The following PTPRF variants were observed in gnomAD, a reference collection of about 807,000 sequenced individuals.
PTPRF encodes protein tyrosine phosphatase receptor type F, also known as receptor-type tyrosine-protein phosphatase F.
In PTPRF, 59 loss-of-function variants were observed where a neutral mutation model predicts 201.8. That is an observed-to-expected ratio of 0.29 (90% CI 0.24 to 0.36). The LOEUF is 0.36. PTPRF is among the 10% of genes least tolerant of loss of function. The pLI is 1.00. For missense variants in PTPRF, 2,132 were observed against 2,690.5 expected (o/e 0.79, Z 4.59); for synonymous variants, 1,088 against 1,089.7 (o/e 1.00, Z 0.03).
chr1:43,606,196 C>T (rs1260853128), intron 19 of PTPRF, 44 bp from the exon 20 acceptor site: 12 of 1,571,974 alleles, frequency 7.6e-6, no homozygotes, highest in Non-Finnish European at 1.0e-5. Flanking sequence ...GGCTGGCCGG[C>T]ATGCTCCAAG....
intron 7 of PTPRF, among the ~76,000 whole-genome samples, chr1:43,582,002 G>A (rs925070153): frequency 6.6e-6 from 1 of 152,176 alleles, no homozygotes; most frequent in African/African-American, 2.4e-5. Flanking sequence ...TCACCTGGGG[G>A]AAATTACTGA....
At position 43,622,140 on chromosome 1, in the gene PTPRF, G is replaced by A; in HGVS notation, c.*137G>A. ...CAGAGCACAGCCCACGGGGATCACA[G>A]CGTTTCAGGAACGTTGCCACACCAA... On this transcript the variant is annotated 3_prime_UTR_variant, in exon 34 of 34. Coordinates refer to ENST00000359947, the MANE Select transcript of PTPRF (RefSeq NM_002840.5). The A allele has an allele frequency of 1.1e-6, 1 of 911,542 alleles. No homozygotes were observed. The highest frequency in any genetic ancestry group is 2.1e-5 in the Admixed American group (1 of 47,192). 56.5% of individuals were successfully genotyped at this position (911,542 alleles called of 1,614,324 possible).
In PTPRF at chr1:43,542,733, G is replaced by T. The variant is rs1273884564; in HGVS notation, c.-45-2298G>T. Among the ~76,000 whole-genome samples, 1 of 152,086 alleles carries T rather than the reference G, an allele frequency of 6.6e-6. No individual in the cohort carries two copies. The highest frequency in any genetic ancestry group is 1.9e-4 in the East Asian group (1 of 5,194). The stretch of plus-strand genomic sequence containing the variant: ...ACTCCATGATGTCTGTACCCTCTGT[G>T]TCCGCCCACGTGATGTCTAGACCAC... On this transcript the variant is annotated intron_variant, in intron 2 of 33. Transcript: ENST00000359947. The surrounding 1 kb of genome is among the most constrained non-coding windows in gnomAD (Gnocchi z 5.2).
At chr1:43,587,161 C>G (rs1649367623) in intron 7 of PTPRF, among the ~76,000 whole-genome samples, 1 of 152,080 alleles carries the variant, frequency 6.6e-6, no homozygotes, top group Non-Finnish European at 1.5e-5. Flanking sequence ...GGTAGGGTCT[C>G]TTGGGCTGGG....
chr1:43,524,050 CAAAAAAAAAAAA>C (rs57088994), upstream of PTPRF, among the ~76,000 whole-genome samples: 38 of 80,660 alleles, frequency 4.7e-4, no homozygotes, highest in South Asian at 0.016. Context: ...GAGACTCTGT[CAAAAAAAAAAAA>C]AAAAAAAAAA....
intron 13 of PTPRF, among the ~76,000 whole-genome samples, chr1:43,599,618 C>A (rs964785682): frequency 6.6e-6 from 1 of 152,224 alleles, no homozygotes; most frequent in African/African-American, 2.4e-5. Flanking sequence ...CAGCCTCACA[C>A]CTCCCTCTGT....
intron 22 of PTPRF, among the ~76,000 whole-genome samples, chr1:43,612,380 A>G (rs1367214767): frequency 6.6e-6 from 1 of 152,178 alleles, no homozygotes; most frequent in Non-Finnish European, 1.5e-5. Context: ...AGGGTGTGGG[A>G]TCTGAGAAGG....
chr1:43,603,366 G>A lies in PTPRF; in HGVS notation c.2341-50G>A. On this transcript the variant is annotated intron_variant, in intron 14 of 33. Coordinates refer to ENST00000359947, the MANE Select transcript of PTPRF (RefSeq NM_002840.5). The surrounding 1 kb of genome is among the most constrained non-coding windows in gnomAD (Gnocchi z 5.8). ...GTCCTGAGGTCCCTGACAAGGTCTG[G>A]CCTCTCCCTGCATTCTTGTGATGGG... 1 of 1,538,316 alleles carries A rather than the reference G, an allele frequency of 6.5e-7. No homozygotes were observed.
chr1:43,545,888 G>A (rs1386575795), intron 3 of PTPRF, among the ~76,000 whole-genome samples: 1 of 152,160 alleles, frequency 6.6e-6, no homozygotes, highest in Non-Finnish European at 1.5e-5. Context: ...CCTTCCCCCT[G>A]CCTGGCACTA....
intron 13 of PTPRF, among the ~76,000 whole-genome samples, chr1:43,600,815 C>A (rs1400887264): frequency 6.6e-6 from 1 of 152,108 alleles, no homozygotes; most frequent in East Asian, 1.9e-4. Flanking sequence ...TTCCTTCCCT[C>A]CTCCCCCTGC....
chr1:43,612,635 C>A, intron 22 of PTPRF: 1 of 674,888 alleles, frequency 1.5e-6, no homozygotes, highest in Non-Finnish European at 2.3e-6. Context: ...CCCTCCTCTT[C>A]TCCGCCAGCC....
upstream of PTPRF, among the ~76,000 whole-genome samples, chr1:43,530,601 G>A (rs1272286993): frequency 6.6e-6 from 1 of 152,154 alleles, no homozygotes; most frequent in African/African-American, 2.4e-5. The surrounding 1 kb of genome is among the most constrained non-coding windows in gnomAD (Gnocchi z 4.1). Flanking sequence ...GGGTCCTAGA[G>A]TGGTATTAGG....
Position 43,573,394 on chromosome 1 carries a change from G to T in PTPRF, c.568+3616G>T, listed in dbSNP as rs1646703368. ...ACAGCCTAACTCACTAAGTCCATGTGCTCATCCAGAGAGCAGTCTCTTCCC... is the reference window on the plus strand; with the variant it reads ...ACAGCCTAACTCACTAAGTCCATGTTCTCATCCAGAGAGCAGTCTCTTCCC... On this transcript the variant is annotated intron_variant, in intron 6 of 33. Transcript: ENST00000359947. Among the ~76,000 whole-genome samples the T allele has an allele frequency of 2.0e-5, 3 of 152,206 alleles. No individual in the cohort carries two copies. In the South Asian group the frequency reaches 6.2e-4, roughly 31 times the overall value.
rs1159256011 is a variant in PTPRF at position 43,623,592 on chromosome 1, TTTG to T, written c.*1592_*1594del. The T allele has an allele frequency of 6.6e-6, 1 of 152,632 alleles. No homozygotes were observed. Among genetic ancestry groups the T allele is most frequent in the African/African-American group, 2.4e-5 (1 of 41,452 alleles). 9.5% of individuals were successfully genotyped at this position (152,632 alleles called of 1,614,324 possible). A position where few individuals can be genotyped will look rare whatever the true frequency, so the allele number is the denominator to read the frequency against. On this transcript the variant is annotated 3_prime_UTR_variant, in exon 34 of 34. Transcript: ENST00000359947. ...ACTGTTGTACACAGTCTGTTTTCTATTTGTTAAGAAAAACTACAGCATCATTGC... is the reference window on the plus strand; with the variant it reads ...ACTGTTGTACACAGTCTGTTTTCTATTTAAGAAAAACTACAGCATCATTGC...
intron 13 of PTPRF, among the ~76,000 whole-genome samples, chr1:43,601,682 CAG>C (rs1162521714): frequency 6.6e-6 from 1 of 152,248 alleles, no homozygotes; most frequent in East Asian, 1.9e-4. Context: ...ATTCACCCCT[CAG>C]TGTCTTCCTT....
chr1:43,608,404 G>C (rs1181483065), intron 21 of PTPRF, among the ~76,000 whole-genome samples: 1 of 152,166 alleles, frequency 6.6e-6, no homozygotes. Context: ...AGCAGGGAGG[G>C]ATGACGCTTT....
rs1047386810 is a variant in PTPRF, at chr1:43,541,075, G to C, written c.-46+2798G>C. On this transcript the variant is annotated intron_variant, in intron 2 of 33. Transcript: ENST00000359947. ...CCTGCCGACAGGCTCTTCCCTTCCT[G>C]TTGCCCAAGTGCTGGCCTTTCCTCT... Among the ~76,000 whole-genome samples the C allele has an allele frequency of 1.1e-4, 17 of 152,346 alleles. 1 individual carries two copies. The highest frequency in any genetic ancestry group is 4.1e-4 in the African/African-American group (17 of 41,586).
At chr1:43,602,545 G>A (rs1654010580) in intron 14 of PTPRF, among the ~76,000 whole-genome samples, 1 of 152,182 alleles carries the variant, frequency 6.6e-6, no homozygotes, top group Admixed American at 6.5e-5. Flanking sequence ...TGAGGGGGTG[G>A]TGGCAGCTGC....
At chr1:43,621,415 G>A (rs888998139) in intron 33 of PTPRF, among the ~76,000 whole-genome samples, 183 bp downstream of exon 33, 2 of 152,236 alleles carry the variant, frequency 1.3e-5, no homozygotes, top group African/African-American at 4.8e-5. Flanking sequence ...GGTTGATGTG[G>A]GAGAATCACT....
Sources: allele counts gnomAD v4.1 joint callset (sites outside exome capture counted in the v4.1 genomes callset), GRCh38; gene constraint gnomAD v4.1.1; non-coding constraint Gnocchi (gnomAD v3.1); transcripts MANE v1.5; gene names NCBI Gene and HGNC (gene_info 2026-07-23, HGNC 2026-07-21).